DOCK1: variants seen among roughly 807,000 people sequenced by gnomAD.
DOCK1 encodes dedicator of cytokinesis protein 1.
A neutral mutation model predicts 262.7 loss-of-function variants in DOCK1; 138 were observed. That is an observed-to-expected ratio of 0.53 (90% confidence interval 0.46 to 0.61). DOCK1 has a LOEUF of 0.61. Among genes scored for constraint, DOCK1 ranks in the 20% least tolerant of loss-of-function variants. DOCK1 has a pLI of 0.00. For missense variants in DOCK1, 1,908 were observed against 2,370.7 expected, an observed-to-expected ratio of 0.80 and a Z score of 4.05; for synonymous variants, 866 against 867.4, an observed-to-expected ratio of 1.00 and a Z score of 0.03.
intron 1 of DOCK1, among the ~76,000 whole-genome samples, chr10:126,936,007 G>A (rs2034536343): frequency 2.0e-5 from 3 of 152,184 alleles, no homozygotes; most frequent in Non-Finnish European, 2.9e-5. Flanking sequence ...TTTAGACAAG[G>A]CCTCACTTTG....
intron 23 of DOCK1, 68 bp downstream of exon 23, chr10:127,061,844 A>G (rs772277885): frequency 9.2e-5 from 113 of 1,222,158 alleles, no homozygotes; most frequent in Non-Finnish European, 1.2e-4. Context: ...TTTTGGAGGT[A>G]GGTATTTTGA....
chr10:126,906,832 C>T (rs536942959), intron 1 of DOCK1, among the ~76,000 whole-genome samples: 205 of 152,314 alleles, frequency 1.3e-3, no homozygotes, highest in Non-Finnish European at 2.6e-3. Context: ...GACCACGGAG[C>T]CAGCTGGACA....
At chr10:127,208,461 A>G (rs779156658) in intron 27 of DOCK1, among the ~76,000 whole-genome samples, 14 of 152,200 alleles carry the variant, frequency 9.2e-5, no homozygotes, top group Non-Finnish European at 1.3e-4. Context: ...AGTTTCCTGT[A>G]TTGATGGTTT....
At chr10:126,980,247 G>A (rs1011397361) in intron 3 of DOCK1, among the ~76,000 whole-genome samples, 1 of 151,744 alleles carries the variant, frequency 6.6e-6, no homozygotes, top group East Asian at 1.9e-4. Context: ...GACTGAGTGC[G>A]GTGGCACGAT....
chr10:127,089,106 G>A (rs559175702), intron 23 of DOCK1, among the ~76,000 whole-genome samples: 4 of 152,224 alleles, frequency 2.6e-5, no homozygotes, highest in Admixed American at 1.3e-4. Context: ...GTGTCACCTC[G>A]GCTCTGCCAT....
chr10:126,946,953 T>G (rs1245973032), intron 1 of DOCK1, among the ~76,000 whole-genome samples: 1 of 152,210 alleles, frequency 6.6e-6, no homozygotes, highest in Non-Finnish European at 1.5e-5. Context: ...ACGCTCATTG[T>G]GAAGCAGATC....
chr10:127,027,283 T>C (rs2135489091), intron 16 of DOCK1, among the ~76,000 whole-genome samples: 1 of 152,352 alleles, frequency 6.6e-6, no homozygotes. Context: ...GCCTCTTCTG[T>C]ATCTTCATTT....
intron 1 of DOCK1, among the ~76,000 whole-genome samples, chr10:126,914,551 GC>G (rs1260064267): frequency 1.3e-5 from 2 of 152,024 alleles, no homozygotes; most frequent in Admixed American, 6.6e-5. Flanking sequence ...TACAGGTCTA[GC>G]TAATTAAAAA....
intron 1 of DOCK1, among the ~76,000 whole-genome samples, chr10:126,927,498 G>A (rs1303986971): frequency 3.3e-5 from 5 of 151,948 alleles, no homozygotes; most frequent in African/African-American, 1.2e-4. Flanking sequence ...GAGTGCAGTG[G>A]CCATCTCGGC....
intron 29 of DOCK1, among the ~76,000 whole-genome samples, chr10:127,279,331 C>T (rs1197343138): frequency 6.6e-6 from 1 of 152,188 alleles, no homozygotes; most frequent in Non-Finnish European, 1.5e-5. Context: ...CATAAGAGGG[C>T]AGGTCATATG....
rs545995274 is a variant in DOCK1 at position 126,922,302 on chromosome 10, T to TGGGGG, written c.46+16741_46+16742insGGGGG. Among the ~76,000 whole-genome samples, 896 of 151,380 alleles carry TGGGGG rather than the reference T, an allele frequency of 5.9e-3. 10 individuals are homozygous for TGGGGG. Among genetic ancestry groups the TGGGGG allele is most frequent in the African/African-American group, 0.021 (853 of 41,200 alleles). ...GAGTCATGGTGCTGGCATCTGCTTC[T>TGGGGG]GGAGAGGCATCCGGAAACTTCCAAT... On this transcript the variant is annotated intron_variant, in intron 1 of 51. Coordinates refer to ENST00000623213, the MANE Select transcript of DOCK1 (RefSeq NM_001290223.2).
At chr10:127,370,139 C>A (rs946487528) in intron 33 of DOCK1, among the ~76,000 whole-genome samples, 1 of 152,200 alleles carries the variant, frequency 6.6e-6, no homozygotes, top group South Asian at 2.1e-4. Context: ...GGAGAGAAGG[C>A]AGAGAGAGTC....
At chr10:127,101,041 GA>G (rs1228496129) in intron 23 of DOCK1, among the ~76,000 whole-genome samples, 1 of 152,126 alleles carries the variant, frequency 6.6e-6, no homozygotes, top group East Asian at 1.9e-4. Flanking sequence ...CAAAGGGCAG[GA>G]GGGCCTTGAG....
At chr10:127,125,447 T>C (rs2049889275) in intron 25 of DOCK1, 27 bp from the exon 26 acceptor site, 1 of 1,611,086 alleles carries the variant, frequency 6.2e-7, no homozygotes, top group African/African-American at 1.3e-5. Context: ...GGTTTCACAC[T>C]GACTGGCAAT....
At chr10:127,038,317 G>T (rs888807168) in intron 19 of DOCK1, among the ~76,000 whole-genome samples, 2 of 152,166 alleles carry the variant, frequency 1.3e-5, no homozygotes, top group African/African-American at 2.4e-5. Flanking sequence ...GGACTCTCTG[G>T]GTTAGCCGTG....
chr10:127,052,949 TGA>T lies in DOCK1; in HGVS notation c.2336+140_2336+141del, dbSNP rs147280133. 8,903 of 1,371,300 alleles carry T rather than the reference TGA, an allele frequency of 6.5e-3. 66 individuals are homozygous for T. Among genetic ancestry groups the T allele is most frequent in the African/African-American group, 0.033 (2,267 of 68,704 alleles). The allele number at this position is 1,371,300 out of a possible 1,614,324, so 84.9% of individuals were successfully genotyped here. On this transcript the variant is annotated intron_variant, in intron 22 of 51. Coordinates refer to ENST00000623213, the MANE Select transcript of DOCK1 (RefSeq NM_001290223.2). ...CCTTTTTCCCCCTTGCTTTCTAGGC[TGA>T]GAGAGCACTGTTGATCCTGGGGTGA...
At chr10:126,944,776 A>G (rs968126386) in intron 1 of DOCK1, among the ~76,000 whole-genome samples, 1 of 152,118 alleles carries the variant, frequency 6.6e-6, no homozygotes, top group African/African-American at 2.4e-5. Flanking sequence ...GCTCTCAGTA[A>G]GAAGCTGGAG....
chr10:127,171,424 C>G (rs2054559629), intron 27 of DOCK1, among the ~76,000 whole-genome samples: 1 of 152,206 alleles, frequency 6.6e-6, no homozygotes, highest in Non-Finnish European at 1.5e-5. Flanking sequence ...ATACTGGCTT[C>G]CCAAGGAGCA....
At chr10:127,257,656 T>C in intron 29 of DOCK1, 1 of 385,866 alleles carries the variant, frequency 2.6e-6, no homozygotes, top group Non-Finnish European at 4.8e-6. Context: ...CTCCGTCCCC[T>C]GGAGAAAAAC....
Sources: gnomAD v4.1 joint callset for allele counts (sites outside exome capture counted in the v4.1 genomes callset) on GRCh38, gnomAD v4.1.1 for gene constraint, MANE v1.5 for transcripts, NCBI Gene and HGNC (gene_info 2026-07-23, HGNC 2026-07-21) for gene names.